LINGO2: variants seen among roughly 807,000 people sequenced by gnomAD.
The protein encoded by LINGO2 is leucine rich repeat and Ig domain containing 2.
Under a neutral mutation model 30.6 loss-of-function variants are expected in LINGO2, and 14 were observed. That is an observed-to-expected ratio of 0.46 (90% confidence interval 0.30 to 0.72). The LOEUF (loss-of-function observed/expected upper bound fraction) is 0.72. LINGO2 is among the 30% of genes least tolerant of loss of function. LINGO2 has a pLI of 0.07. For synonymous variants in LINGO2, 317 were observed against 288.5 expected (o/e 1.10, Z -1.00); for missense variants, 729 against 751.7 (o/e 0.97, Z 0.35).
At chr9:28,458,866 G>C (rs532182288) in intron 2 of LINGO2, among the ~76,000 whole-genome samples, 46 of 152,168 alleles carry the variant, frequency 3.0e-4, no homozygotes, top group South Asian at 2.3e-3. Context: ...CTAAAAATTG[G>C]AGAATAGAAA....
chr9:28,102,029 C>T (rs1375764122), intron 4 of LINGO2, among the ~76,000 whole-genome samples: 1 of 152,038 alleles, frequency 6.6e-6, no homozygotes, highest in Admixed American at 6.6e-5. Context: ...GCTTTGCCTC[C>T]AACTCACCTT....
intron 4 of LINGO2, among the ~76,000 whole-genome samples, chr9:28,091,229 G>C (rs1201083743): frequency 2.0e-5 from 3 of 152,052 alleles, no homozygotes; most frequent in African/African-American, 7.2e-5. Context: ...AAGTTCATTA[G>C]GAACCAAAAA....
rs191455497 is a variant in LINGO2 at position 28,059,102 on chromosome 9, G to T, written c.-86-46697C>A. Among the ~76,000 whole-genome samples the T allele has an allele frequency of 4.6e-5, 7 of 152,230 alleles. No homozygotes were observed. In the East Asian group the frequency reaches 1.4e-3, roughly 29 times the overall value. On this transcript the variant is annotated intron_variant, in intron 4 of 5. Coordinates refer to ENST00000379992, the Ensembl canonical transcript of LINGO2. Reference sequence around the variant, plus strand: ...GAGTGTTGGGAGGGAAACTGAGGCAGGGCTTGCATAATGTCCTCTGGAATG... The same window carrying T: ...GAGTGTTGGGAGGGAAACTGAGGCATGGCTTGCATAATGTCCTCTGGAATG...
the LINGO2 span, among the ~76,000 whole-genome samples, chr9:29,024,784 T>G: frequency 6.6e-6 from 1 of 152,282 alleles, no homozygotes; most frequent in South Asian, 2.1e-4. Context: ...ACTACTGTTG[T>G]GTGAATTTGC....
In LINGO2 at chr9:28,374,572, C is replaced by T. The variant is rs183191071; in HGVS notation, c.-278-1704G>A. On this transcript the variant is annotated intron_variant, in intron 2 of 5. Coordinates refer to ENST00000379992, the Ensembl canonical transcript of LINGO2. ...CCAATAACTCCTTTCATCTGCCTGC[C>T]TTCTTTCTAGCTTGCCAGATCTGTA... 3.6e-3 allele frequency among the ~76,000 whole-genome samples: 553 copies of T among 152,144 alleles called. 2 individuals carry two copies. Among genetic ancestry groups the T allele is most frequent in the Non-Finnish European group, 6.1e-3 (413 of 68,006 alleles).
chr9:28,589,102 C>A (rs529737170), intron 1 of LINGO2, among the ~76,000 whole-genome samples: 3 of 152,018 alleles, frequency 2.0e-5, no homozygotes, highest in Non-Finnish European at 2.9e-5. Flanking sequence ...ATTCAACAAC[C>A]CTTCATGCTA....
At chr9:29,207,334 C>G in the LINGO2 span, among the ~76,000 whole-genome samples, 1 of 152,022 alleles carries the variant, frequency 6.6e-6, no homozygotes, top group Non-Finnish European at 1.5e-5. Context: ...TGGAGCAATA[C>G]AGTTTTTATG....
intron 2 of LINGO2, among the ~76,000 whole-genome samples, chr9:28,378,360 C>T (rs967057609): frequency 4.6e-5 from 7 of 152,122 alleles, no homozygotes; most frequent in Admixed American, 3.9e-4. Context: ...TCTCAAGTAT[C>T]AGAGGGTTGT....
At chr9:28,901,899 G>T in the LINGO2 span, among the ~76,000 whole-genome samples, 23 of 152,074 alleles carry the variant, frequency 1.5e-4, no homozygotes, top group South Asian at 4.8e-3. Context: ...TCAATAAAAA[G>T]ACATAGATTG....
At chr9:28,939,170 A>C in the LINGO2 span, among the ~76,000 whole-genome samples, 1 of 66,660 alleles carries the variant, frequency 1.5e-5, no homozygotes, top group African/African-American at 4.8e-5. Flanking sequence ...TGCAGTTCGA[A>C]GGCTACTTAA....
the LINGO2 span, among the ~76,000 whole-genome samples, chr9:29,128,574 G>A: frequency 6.6e-6 from 1 of 152,104 alleles, no homozygotes. Flanking sequence ...TGGTTAGCAT[G>A]TGACACTCTC....
At chr9:28,711,438 A>G in the LINGO2 span, among the ~76,000 whole-genome samples, 3 of 152,188 alleles carry the variant, frequency 2.0e-5, no homozygotes, top group Non-Finnish European at 4.4e-5. Flanking sequence ...AGGCTAGCAC[A>G]TGGCAAGTAC....
the LINGO2 span, among the ~76,000 whole-genome samples, chr9:28,797,638 G>T: frequency 1.3e-5 from 2 of 151,868 alleles, no homozygotes; most frequent in African/African-American, 4.8e-5. Flanking sequence ...AAAGTTGGAG[G>T]ATATGAGTTC....
chr9:28,261,886 A>G (rs369534835), intron 4 of LINGO2, among the ~76,000 whole-genome samples: 2 of 151,996 alleles, frequency 1.3e-5, no homozygotes, highest in Non-Finnish European at 1.5e-5. Context: ...TTAAAAGGTC[A>G]TAAATTAATT....
chr9:29,051,596 C>G, the LINGO2 span, among the ~76,000 whole-genome samples: 1 of 152,140 alleles, frequency 6.6e-6, no homozygotes, highest in Non-Finnish European at 1.5e-5. Context: ...GCTGGGACAT[C>G]ATTAATCTCA....
At chr9:28,701,335 G>A in the LINGO2 span, among the ~76,000 whole-genome samples, 14,065 of 151,888 alleles carry the variant, frequency 0.093, 988 homozygotes, top group Admixed American at 0.22. Flanking sequence ...TTGTGAAGCT[G>A]TAAGTTCTTT....
chr9:28,688,485 G>A, the LINGO2 span, among the ~76,000 whole-genome samples: 1 of 152,104 alleles, frequency 6.6e-6, no homozygotes, highest in Non-Finnish European at 1.5e-5. Context: ...TGCTGGCAAT[G>A]TTATCTGTAA....
intron 4 of LINGO2, among the ~76,000 whole-genome samples, chr9:28,160,283 C>T (rs180679391): frequency 4.3e-4 from 66 of 152,246 alleles, no homozygotes; most frequent in Middle Eastern, 3.4e-3. Flanking sequence ...GAGAAAGAGC[C>T]TGAGCTTGCA....
intron 4 of LINGO2, among the ~76,000 whole-genome samples, chr9:28,110,183 G>C (rs1826731940): frequency 6.6e-6 from 1 of 152,178 alleles, no homozygotes; most frequent in African/African-American, 2.4e-5. Flanking sequence ...AGGAAAACTG[G>C]CTAGCCATAT....
Sources: allele counts gnomAD v4.1 joint callset (sites outside exome capture counted in the v4.1 genomes callset), GRCh38; gene constraint gnomAD v4.1.1; transcripts MANE v1.5; gene names NCBI Gene and HGNC (gene_info 2026-07-23, HGNC 2026-07-21).